PTPRN2: variants seen among roughly 807,000 people sequenced by gnomAD.
PTPRN2 encodes the protein receptor-type tyrosine-protein phosphatase N2.
In PTPRN2, 74 loss-of-function variants were observed where a neutral mutation model predicts 118.8. The ratio of observed to expected loss-of-function variants is 0.62; its 90% CI spans 0.52 to 0.76. The LOEUF (loss-of-function observed/expected upper bound fraction) is 0.76. PTPRN2 is among the 30% of genes least tolerant of loss of function. The probability of loss-of-function intolerance (pLI) is 0.00; values close to 1 mark genes in which losing one functional copy is unlikely to be tolerated. For synonymous variants in PTPRN2, 641 were observed against 608.0 expected, an observed-to-expected ratio of 1.05 and a Z score of -0.80; for missense variants, 1,481 against 1,394.4, an observed-to-expected ratio of 1.06 and a Z score of -0.99.
chr7:157,630,576 C>A (rs1247816098), intron 14 of PTPRN2, among the ~76,000 whole-genome samples: 1 of 152,174 alleles, frequency 6.6e-6, no homozygotes, highest in African/African-American at 2.4e-5. Context: ...CTGAAACAGG[C>A]ATTGTTCCGG....
intron 10 of PTPRN2, among the ~76,000 whole-genome samples, chr7:158,091,243 C>T (rs1275484170): frequency 1.3e-5 from 2 of 152,136 alleles, no homozygotes; most frequent in Non-Finnish European, 2.9e-5. Flanking sequence ...AGTTTGTAGT[C>T]CGTTTAAATA....
chr7:157,897,511 A>G (rs1797199892), intron 12 of PTPRN2, among the ~76,000 whole-genome samples: 1 of 152,218 alleles, frequency 6.6e-6, no homozygotes, highest in Admixed American at 6.5e-5. Context: ...CCAGGAAGGC[A>G]TCGAGAAACA....
At chr7:157,803,603 T>C (rs1444635657) in intron 12 of PTPRN2, among the ~76,000 whole-genome samples, 1 of 152,136 alleles carries the variant, frequency 6.6e-6, no homozygotes, top group Non-Finnish European at 1.5e-5. Context: ...GTTGAGTGGG[T>C]TTTTGTGGAT....
chr7:158,268,600 A>G (rs1798064021), intron 3 of PTPRN2, among the ~76,000 whole-genome samples: 3 of 139,910 alleles, frequency 2.1e-5, no homozygotes, highest in Admixed American at 7.1e-5. Context: ...GAAATATCCC[A>G]GCCGCAGGCA....
chr7:158,031,008 G>A (rs994209642), intron 11 of PTPRN2: 1 of 152,212 alleles, frequency 6.6e-6, no homozygotes, highest in African/African-American at 2.4e-5. Context: ...AGAAGAGAAG[G>A]CATCACGTTG....
chr7:157,984,939 A>T (rs1398664606), intron 11 of PTPRN2, among the ~76,000 whole-genome samples: 1 of 150,670 alleles, frequency 6.6e-6, no homozygotes, highest in Middle Eastern at 3.2e-3. Flanking sequence ...TGGCTTCCCC[A>T]CCCCGTGCTG....
At chr7:157,959,536 T>C (rs965414868) in intron 11 of PTPRN2, among the ~76,000 whole-genome samples, 5 of 152,164 alleles carry the variant, frequency 3.3e-5, no homozygotes, top group Non-Finnish European at 5.9e-5. Flanking sequence ...AGGATTGGAA[T>C]AGACATTTCT....
At chr7:157,793,851 T>C (rs1269524053) in intron 12 of PTPRN2, among the ~76,000 whole-genome samples, 1 of 152,084 alleles carries the variant, frequency 6.6e-6, no homozygotes, top group Non-Finnish European at 1.5e-5. Context: ...CAGGCAGAAG[T>C]CAATTTCCTC....
intron 11 of PTPRN2, among the ~76,000 whole-genome samples, chr7:157,979,898 C>T (rs1363960831): frequency 1.3e-5 from 2 of 152,158 alleles, no homozygotes; most frequent in African/African-American, 4.8e-5. Context: ...GAGCCAGAGC[C>T]CCCGACTGGG....
chr7:158,010,215 C>T (rs1447728194), intron 11 of PTPRN2, among the ~76,000 whole-genome samples: 4 of 152,162 alleles, frequency 2.6e-5, no homozygotes, highest in African/African-American at 7.2e-5. Context: ...TCCACTACCA[C>T]GAGATCCTGG....
chr7:158,366,590 C>G (rs1399688217), intron 2 of PTPRN2, among the ~76,000 whole-genome samples: 4 of 152,206 alleles, frequency 2.6e-5, no homozygotes. Context: ...CTTGTTTCCC[C>G]GAACGCAGAG....
chr7:158,272,231 G>A lies in PTPRN2; in HGVS notation c.277+44588C>T, dbSNP rs773276241. ...GGTCCAAATGGAAAAACAGCCCCCC[G>A]GGACGTCTTGTCTTCGGAGAGCCGC... On this transcript the variant is annotated intron_variant, in intron 3 of 22. Coordinates refer to ENST00000389418, the MANE Select transcript of PTPRN2 (RefSeq NM_002847.5). 1.5e-3 allele frequency among the ~76,000 whole-genome samples: 221 copies of A among 152,128 alleles called. 2 individuals carry two copies. Among genetic ancestry groups the A allele is most frequent in the Non-Finnish European group, 1.4e-3 (98 of 68,034 alleles).
At chr7:158,132,508 C>T (rs1818433612) in intron 9 of PTPRN2, among the ~76,000 whole-genome samples, 1 of 151,546 alleles carries the variant, frequency 6.6e-6, no homozygotes, top group Non-Finnish European at 1.5e-5. Flanking sequence ...CATACAGATG[C>T]ACACACATTT....
In PTPRN2 at chr7:157,615,296, G is replaced by C; in HGVS notation, c.2344+6066C>G. On this transcript the variant is annotated intron_variant, in intron 15 of 22. Transcript: ENST00000389418. This position sits in a 1 kb window ranked among gnomAD's most constrained non-coding sequence, Gnocchi z 4.3. ...GCTCCAGAGAGGGCCCTGCAAGAGC[G>C]GTGTGCGTGGGTTGCGGCTGGGTCT... is the stretch of plus-strand genomic sequence containing the variant. 2.7e-6 allele frequency: 1 copy of C among 368,432 alleles called. No homozygotes were observed. The highest frequency in any genetic ancestry group is 2.1e-5 in the South Asian group (1 of 48,314). 22.8% of individuals were successfully genotyped at this position (368,432 alleles called of 1,614,324 possible). A position where few individuals can be genotyped will look rare whatever the true frequency, so the allele number is the denominator to read the frequency against.
intron 3 of PTPRN2, among the ~76,000 whole-genome samples, chr7:158,245,305 T>C (rs67530432): frequency 6.6e-6 from 1 of 151,304 alleles, no homozygotes; most frequent in Non-Finnish European, 1.5e-5. Flanking sequence ...TCCGTGGTCA[T>C]GCCAGAATCC....
rs758238380 is a variant in PTPRN2 at position 157,808,521 on chromosome 7, A to G, written c.1788+90152T>C. ...GGTTGCACGCTCCTTATGAAAATCT[A>G]ATGCCTGATGATCTGTCACTGTCTC... On this transcript the variant is annotated intron_variant, in intron 12 of 22. Coordinates refer to ENST00000389418, the MANE Select transcript of PTPRN2 (RefSeq NM_002847.5). This position sits in a 1 kb window ranked among gnomAD's most constrained non-coding sequence, Gnocchi z 5.0. 6.6e-6 allele frequency among the ~76,000 whole-genome samples: 1 copy of G among 152,162 alleles called. No individual in the cohort carries two copies. The highest frequency in any genetic ancestry group is 2.4e-5 in the African/African-American group (1 of 41,430).
chr7:158,130,840 ACAC>A (rs1818155824), intron 9 of PTPRN2, among the ~76,000 whole-genome samples: 1 of 151,128 alleles, frequency 6.6e-6, no homozygotes, highest in Non-Finnish European at 1.5e-5. Context: ...GTACATACAC[ACAC>A]ATCTACCCAA....
chr7:157,641,139 AT>A (rs1421097134), intron 14 of PTPRN2, among the ~76,000 whole-genome samples: 4 of 152,198 alleles, frequency 2.6e-5, no homozygotes, highest in South Asian at 2.1e-4. Context: ...TCCTGGGTTT[AT>A]TTGTGAGGAG....
Position 157,787,395 on chromosome 7 carries a change from C to T in PTPRN2, c.1789-104458G>A, listed in dbSNP as rs1804130894. Among the ~76,000 whole-genome samples the T allele has an allele frequency of 6.6e-6, 1 of 152,100 alleles. No individual in the cohort carries two copies. Among genetic ancestry groups the T allele is most frequent in the Non-Finnish European group, 1.5e-5 (1 of 68,004 alleles). On this transcript the variant is annotated intron_variant, in intron 12 of 22. Coordinates refer to ENST00000389418, the MANE Select transcript of PTPRN2 (RefSeq NM_002847.5). The surrounding 1 kb of genome is among the most constrained non-coding windows in gnomAD (Gnocchi z 5.3). ...TGCTGGGAGTGACATCTGAAGATGC[C>T]ATAGAAAGTCTGGCGCAGCAGCCGG...
Sources: allele counts gnomAD v4.1 joint callset (sites outside exome capture counted in the v4.1 genomes callset), GRCh38; gene constraint gnomAD v4.1.1; non-coding constraint Gnocchi (gnomAD v3.1); transcripts MANE v1.5; gene names NCBI Gene and HGNC (gene_info 2026-07-23, HGNC 2026-07-21).